Variants in TMC7 observed in about 807,000 individuals in gnomAD.
TMC7 encodes transmembrane channel-like protein 7.
TMC7 carries 54 observed loss-of-function variants against 82.9 expected under a neutral mutation model. That is an observed-to-expected ratio of 0.65 (90% CI 0.52 to 0.82). The LOEUF is 0.82. Ranked by LOEUF, TMC7 falls within the 40% of genes least tolerant of loss-of-function variation. The probability of loss-of-function intolerance (pLI) is 0.00; values close to 1 mark genes in which losing one functional copy is unlikely to be tolerated. For synonymous variants in TMC7, 350 were observed against 337.9 expected (o/e 1.04, Z -0.39); for missense variants, 820 against 901.2 (o/e 0.91, Z 1.15).
chr16:19,029,306 G>A (rs1056481896), intron 5 of TMC7, among the ~76,000 whole-genome samples: 2 of 151,790 alleles, frequency 1.3e-5, no homozygotes, highest in East Asian at 1.9e-4. Flanking sequence ...TGCCCGGCAC[G>A]AGATTTGCAC....
Position 19,037,886 on chromosome 16 carries a change from G to A in TMC7, c.1018G>A (p.Glu340Lys), listed in dbSNP as rs920608330. 8 of 1,613,382 alleles carry A rather than the reference G, an allele frequency of 5.0e-6. No homozygotes were observed. Among genetic ancestry groups the A allele is most frequent in the Non-Finnish European group, 6.8e-6 (8 of 1,179,834 alleles). ...LRYELRADLEEERMRQKIAER... is the reference protein window; with the variant it reads ...LRYELRADLEKERMRQKIAER... ...CTTTTATCTTCAGGCAGATCTGGAG[G>A]AAGAAAGAATGCGGCAGAAAATAGC... Residue 340 changes from glutamate (E) to lysine (K), a missense_variant, in exon 8 of 16, where the codon GAA becomes AAA. This residue lies in a region of TMC7 where 650 missense variants were observed against 669.9 expected (regional missense o/e 0.97). Transcript: ENST00000304381.
At chr16:18,994,547 C>T (rs2039008141) in intron 1 of TMC7, among the ~76,000 whole-genome samples, 1 of 151,768 alleles carries the variant, frequency 6.6e-6, no homozygotes, top group African/African-American at 2.4e-5. Context: ...AGTGTGGGAA[C>T]AGCTTTTAGG....
intron 6 of TMC7, among the ~76,000 whole-genome samples, chr16:19,034,241 G>A (rs1398661312): frequency 6.6e-6 from 1 of 152,168 alleles, no homozygotes; most frequent in African/African-American, 2.4e-5. Flanking sequence ...TTAGAGTAAG[G>A]AGTTACAAGC....
chr16:19,047,263 G>A lies in TMC7; in HGVS notation c.1740+14G>A. The stretch of plus-strand genomic sequence containing the variant: ...TATGTGAAAGAGGTAAGGAGCCGGT[G>A]GGAATGGGGGCTCATATACTGGGCC... On this transcript the variant is annotated intron_variant, in intron 12 of 15. Transcript: ENST00000304381. 1 of 1,610,618 alleles carries A rather than the reference G, an allele frequency of 6.2e-7. No individual in the cohort carries two copies. The highest frequency in any genetic ancestry group is 8.5e-7 in the Non-Finnish European group (1 of 1,178,200).
chr16:19,055,566 C>G (rs2142314428), intron 13 of TMC7, among the ~76,000 whole-genome samples: 1 of 152,264 alleles, frequency 6.6e-6, no homozygotes, highest in Admixed American at 6.5e-5. Flanking sequence ...CCACGTTGGC[C>G]AGGTTGGCCT....
intron 13 of TMC7, among the ~76,000 whole-genome samples, chr16:19,052,209 G>T (rs577818020): frequency 6.6e-6 from 1 of 152,276 alleles, no homozygotes; most frequent in East Asian, 1.9e-4. Flanking sequence ...TCGGATTACA[G>T]GCGTGACGCA....
Position 19,051,757 on chromosome 16 carries a change from G to C in TMC7, c.1812G>C (p.Leu604=). Residue 604 remains leucine (L), a synonymous_variant, in exon 13 of 16, where the codon CTG becomes CTC. Coordinates refer to ENST00000304381, the MANE Select transcript of TMC7 (RefSeq NM_024847.4). ...FRASNSNFFF[L]LVLLIGLCLA... ...CATCCAATTCTAATTTCTTCTTCCT[G>C]TTGGTGTTGTTGATCGGGCTGTGTT... The C allele has an allele frequency of 6.2e-7, 1 of 1,614,078 alleles. No homozygotes were observed.
chr16:18,993,707 C>T (rs2038989773), intron 1 of TMC7, among the ~76,000 whole-genome samples: 2 of 152,184 alleles, frequency 1.3e-5, no homozygotes, highest in South Asian at 4.2e-4. Context: ...GATGGAGGAC[C>T]CTTGCATAGT....
intron 5 of TMC7, among the ~76,000 whole-genome samples, chr16:19,028,847 G>A (rs922878911): frequency 6.6e-6 from 1 of 151,178 alleles, no homozygotes; most frequent in African/African-American, 2.4e-5. Context: ...GTAGAGATAG[G>A]GTTTCACTGT....
intron 7 of TMC7, among the ~76,000 whole-genome samples, chr16:19,037,386 C>T (rs1275487210): frequency 7.5e-5 from 1 of 13,248 alleles, no homozygotes; most frequent in East Asian, 2.3e-3. Flanking sequence ...GACTCTGTCT[C>T]AAAAAAAAAA....
intron 6 of TMC7, 41 bp from the exon 7 acceptor site, chr16:19,035,635 C>T (rs1291567110): frequency 6.2e-7 from 1 of 1,613,206 alleles, no homozygotes; most frequent in Non-Finnish European, 8.5e-7. Flanking sequence ...CTCTCTTTTG[C>T]TGTTGTTTCT....
At chr16:19,036,913 CAG>C (rs1425794684) in intron 7 of TMC7, among the ~76,000 whole-genome samples, 3 of 152,144 alleles carry the variant, frequency 2.0e-5, no homozygotes, top group Admixed American at 6.5e-5. Flanking sequence ...CTAATAAAAG[CAG>C]AGACTACTAC....
chr16:19,035,416 A>G (rs1461001874), intron 6 of TMC7, among the ~76,000 whole-genome samples: 5 of 152,202 alleles, frequency 3.3e-5, no homozygotes, highest in African/African-American at 7.2e-5. Flanking sequence ...GTACTCCTGA[A>G]TCTAAAATAA....
intron 1 of TMC7, among the ~76,000 whole-genome samples, chr16:18,992,730 G>A (rs1198678909): frequency 1.3e-5 from 2 of 152,152 alleles, no homozygotes; most frequent in African/African-American, 4.8e-5. Context: ...TATGGTTTTA[G>A]GTCTAACAGT....
chr16:19,009,116 C>T, intron 1 of TMC7, 56 bp from the exon 2 acceptor site: 1 of 1,571,872 alleles, frequency 6.4e-7, no homozygotes, highest in Non-Finnish European at 8.6e-7. Context: ...TCCAAGTTTC[C>T]TGCTTGGCTT....
Position 19,040,362 on chromosome 16 carries a change from A to G in TMC7, c.1253A>G (p.Asn418Ser), listed in dbSNP as rs1960956715. 3 of 1,613,750 alleles carry G rather than the reference A, an allele frequency of 1.9e-6. No individual in the cohort carries two copies. Among genetic ancestry groups the G allele is most frequent in the Non-Finnish European group, 2.5e-6 (3 of 1,179,986 alleles). ...YLPSIVITLANFITPMIFAKI... is the reference protein window; with the variant it reads ...YLPSIVITLASFITPMIFAKI... ...CCGTCTATTGTGATCACGCTGGCCA[A>G]TTTTATCACCCCAATGATCTTTGCC... The change falls in exon 9 of 16, where the codon AAT (asparagine) becomes AGT (serine). Residue 418 changes from asparagine (N) to serine (S), a missense_variant. Asn to Ser is a conservative substitution (Grantham distance 46). Around this residue, in one of 2 missense-constraint regions of TMC7, gnomAD observed 650 missense variants for 669.9 expected, o/e 0.97. Transcript: ENST00000304381.
chr16:19,014,964 G>GT (rs747482425), intron 2 of TMC7, among the ~76,000 whole-genome samples: 12 of 151,568 alleles, frequency 7.9e-5, no homozygotes, highest in South Asian at 6.3e-4. Flanking sequence ...TTATTTAATT[G>GT]TTTTTTTGTT....
At chr16:18,990,613 C>T (rs566640005) in intron 1 of TMC7, among the ~76,000 whole-genome samples, 3 of 152,128 alleles carry the variant, frequency 2.0e-5, no homozygotes, top group South Asian at 2.1e-4. Context: ...GGGCTGAGTC[C>T]GAAAAAGGAG....
chr16:19,018,404 C>T (rs1236707055), intron 3 of TMC7, among the ~76,000 whole-genome samples: 2 of 152,142 alleles, frequency 1.3e-5, no homozygotes, highest in Non-Finnish European at 2.9e-5. Flanking sequence ...GCTGTGTTCA[C>T]GTAACCTTTG....
Sources: gnomAD v4.1 joint callset for allele counts (sites outside exome capture counted in the v4.1 genomes callset) on GRCh38, gnomAD v4.1.1 for gene constraint, gnomAD v4.1.1 regional missense constraint, MANE v1.5 for transcripts, NCBI Gene and HGNC (gene_info 2026-07-23, HGNC 2026-07-21) for gene names.